The following BABAM2 variants were observed in gnomAD, a reference collection of about 807,000 sequenced individuals.
The protein encoded by BABAM2 is BRISC and BRCA1-A complex member 2.
Under a neutral mutation model 54.7 loss-of-function variants are expected in BABAM2, and 31 were observed. The observed-to-expected ratio is 0.57, with a 90% CI of 0.43 to 0.77. The LOEUF (loss-of-function observed/expected upper bound fraction) is 0.77, where lower values mean the gene tolerates loss of function less well. Among genes scored for constraint, BABAM2 ranks in the 30% least tolerant of loss-of-function variants. The pLI, the probability that BABAM2 is intolerant of heterozygous loss-of-function variation, is 0.00. For synonymous variants in BABAM2, 167 were observed against 162.9 expected, an observed-to-expected ratio of 1.03 and a Z score of -0.19; for missense variants, 364 against 455.8, an observed-to-expected ratio of 0.80 and a Z score of 1.83.
intron 6 of BABAM2, among the ~76,000 whole-genome samples, chr2:28,114,496 G>C (rs1372379643): frequency 6.6e-6 from 1 of 152,158 alleles, no homozygotes; most frequent in Non-Finnish European, 1.5e-5. Flanking sequence ...TCCTATTGAA[G>C]AAGAAGGAAG....
In BABAM2 at chr2:28,059,733, A is replaced by G. The variant is rs1045496054; in HGVS notation, c.570+13934A>G. Among the ~76,000 whole-genome samples, 18 of 152,220 alleles carry G rather than the reference A, an allele frequency of 1.2e-4. 1 individual carries two copies. Among genetic ancestry groups the G allele is most frequent in the Admixed American group, 1.2e-3 (18 of 15,288 alleles). On this transcript the variant is annotated intron_variant, in intron 6 of 11. Coordinates refer to ENST00000379624, the MANE Select transcript of BABAM2 (RefSeq NM_199191.3). ...AATAGTGGAGTATTCCAGAGGCTAC[A>G]TGGTGTCATCACTCTGATAGCCAAG...
At chr2:28,103,065 A>G (rs1213954581) in intron 6 of BABAM2, among the ~76,000 whole-genome samples, 1 of 151,798 alleles carries the variant, frequency 6.6e-6, no homozygotes, top group African/African-American at 2.4e-5. Context: ...AAGTAATTAT[A>G]TGGTCCTGAT....
At position 28,296,537 on chromosome 2, in the gene BABAM2, C is replaced by T. The variant is rs181904879; in HGVS notation, c.935-1801C>T. Among the ~76,000 whole-genome samples, 477 of 152,178 alleles carry T rather than the reference C, an allele frequency of 3.1e-3. 9 individuals carry two copies. Among genetic ancestry groups the T allele is most frequent in the Admixed American group, 0.023 (345 of 15,290 alleles). On this transcript the variant is annotated intron_variant, in intron 10 of 11. Coordinates refer to ENST00000379624, the MANE Select transcript of BABAM2 (RefSeq NM_199191.3). ...CCCAACTGGATGGTTTTTTGATTCT[C>T]GGGAGTTTTTTGGCTTCTCCTTAAA...
chr2:28,112,082 ACT>A (rs778233780), intron 6 of BABAM2, among the ~76,000 whole-genome samples: 24 of 78,768 alleles, frequency 3.0e-4, no homozygotes, highest in African/African-American at 8.8e-4. Flanking sequence ...GATACCCATT[ACT>A]CTTTCTTTCT....
At chr2:28,274,225 G>A (rs1374504537) in intron 10 of BABAM2, among the ~76,000 whole-genome samples, 4 of 152,058 alleles carry the variant, frequency 2.6e-5, no homozygotes, top group South Asian at 4.2e-4. Flanking sequence ...TTTTCTCCTT[G>A]ACCTCCTCAT....
chr2:28,290,677 C>T (rs532651702), intron 10 of BABAM2, among the ~76,000 whole-genome samples: 10 of 152,216 alleles, frequency 6.6e-5, no homozygotes, highest in African/African-American at 1.9e-4. Context: ...CCTGGGGAGG[C>T]GAATTAAAAT....
chr2:28,283,089 G>C (rs1339956162), intron 10 of BABAM2, among the ~76,000 whole-genome samples: 4 of 151,016 alleles, frequency 2.6e-5, no homozygotes, highest in African/African-American at 9.7e-5. Context: ...AAGCACAGAT[G>C]AATCAGTAAC....
At chr2:28,128,704 C>T (rs1669780993) in intron 6 of BABAM2, among the ~76,000 whole-genome samples, 1 of 152,130 alleles carries the variant, frequency 6.6e-6, no homozygotes, top group African/African-American at 2.4e-5. Flanking sequence ...TATAACTAGA[C>T]TTTTAAGATA....
chr2:27,928,217 TG>T (rs1385275182), intron 2 of BABAM2, among the ~76,000 whole-genome samples: 1 of 152,156 alleles, frequency 6.6e-6, no homozygotes, highest in Non-Finnish European at 1.5e-5. Flanking sequence ...GGTTTCACCA[TG>T]TTGGCCAGGA....
chr2:28,319,294 G>A (rs1689823004), intron 11 of BABAM2, among the ~76,000 whole-genome samples: 1 of 152,228 alleles, frequency 6.6e-6, no homozygotes, highest in Admixed American at 6.5e-5. Context: ...TCCCCCTTTG[G>A]GTTGGTGCAG....
intron 6 of BABAM2, among the ~76,000 whole-genome samples, chr2:28,071,555 A>G (rs967183695): frequency 6.6e-6 from 1 of 152,246 alleles, no homozygotes; most frequent in African/African-American, 2.4e-5. Flanking sequence ...GTTGGTGCAT[A>G]GTACCTAGAT....
chr2:28,204,431 C>T (rs919874392), intron 7 of BABAM2, among the ~76,000 whole-genome samples: 2 of 152,188 alleles, frequency 1.3e-5, no homozygotes, highest in African/African-American at 4.8e-5. Context: ...TGCAAACCTT[C>T]GGGAGAAGTA....
At position 27,985,143 on chromosome 2, in the gene BABAM2, C is replaced by T. The variant is rs199883730; in HGVS notation, c.206-2850C>T. Among the ~76,000 whole-genome samples, 30 of 149,202 alleles carry T rather than the reference C, an allele frequency of 2.0e-4. 1 individual carries two copies. In the East Asian group the frequency reaches 5.6e-3, roughly 28 times the overall value. On this transcript the variant is annotated intron_variant, in intron 3 of 11. Transcript: ENST00000379624. ...GCTTGTTGACTGATGGGCATTTGGG[C>T]TGGTTCCATAGTTTTGCAATTGTGA...
At chr2:28,228,899 A>G (rs1681127458) in intron 7 of BABAM2, among the ~76,000 whole-genome samples, 1 of 152,210 alleles carries the variant, frequency 6.6e-6, no homozygotes, top group South Asian at 2.1e-4. Flanking sequence ...ACATTTCTGA[A>G]CAAAGACTTG....
At chr2:28,089,779 T>C (rs1666002178) in intron 6 of BABAM2, among the ~76,000 whole-genome samples, 2 of 152,202 alleles carry the variant, frequency 1.3e-5, no homozygotes, top group South Asian at 4.1e-4. Context: ...TTGTATTCAG[T>C]GCAGTAAAGT....
At position 28,256,294 on chromosome 2, in the gene BABAM2, C is replaced by A. The variant is rs140818778; in HGVS notation, c.934+11432C>A. ...TATTTTGAGATATGGGCAACACTTA[C>A]AATTTGATATAAAAATACCTGTGAT... On this transcript the variant is annotated intron_variant, in intron 10 of 11. Transcript: ENST00000379624. 4.9e-3 allele frequency among the ~76,000 whole-genome samples: 743 copies of A among 152,256 alleles called. 3 individuals carry two copies. The highest frequency in any genetic ancestry group is 0.017 in the African/African-American group (702 of 41,530).
chr2:28,041,061 ATAAC>A (rs781082471), intron 5 of BABAM2, among the ~76,000 whole-genome samples: 1 of 152,238 alleles, frequency 6.6e-6, no homozygotes, highest in Non-Finnish European at 1.5e-5. Flanking sequence ...ATGGACTAAA[ATAAC>A]TAGCAGTTCA....
At chr2:28,298,775 T>C (rs1174979486) in intron 11 of BABAM2, among the ~76,000 whole-genome samples, 2 of 152,172 alleles carry the variant, frequency 1.3e-5, no homozygotes, top group African/African-American at 4.8e-5. Context: ...CTGATCTACA[T>C]CTGAAAGTGT....
chr2:27,955,997 A>C, intron 3 of BABAM2, among the ~76,000 whole-genome samples: 1 of 149,912 alleles, frequency 6.7e-6, no homozygotes, highest in Non-Finnish European at 1.5e-5. Context: ...TTTTTCCTGT[A>C]GAATGGTGAT....
Sources: allele counts gnomAD v4.1 joint callset (sites outside exome capture counted in the v4.1 genomes callset), GRCh38; gene constraint gnomAD v4.1.1; transcripts MANE v1.5; gene names NCBI Gene and HGNC (gene_info 2026-07-23, HGNC 2026-07-21).